The following FNIP2 variants were observed in gnomAD, a reference collection of about 807,000 sequenced individuals.
FNIP2 encodes the protein folliculin-interacting protein 2.
A neutral mutation model predicts 108.7 loss-of-function variants in FNIP2; 32 were observed. That is an observed-to-expected ratio of 0.29 (90% confidence interval 0.22 to 0.40). The LOEUF (loss-of-function observed/expected upper bound fraction) is 0.40, where lower values mean the gene tolerates loss of function less well. Ranked by LOEUF, FNIP2 falls within the 10% of genes least tolerant of loss-of-function variation. FNIP2 has a pLI of 1.00. For synonymous variants in FNIP2, 480 were observed against 496.7 expected (o/e 0.97, Z 0.45); for missense variants, 1,202 against 1,381.6 (o/e 0.87, Z 2.06).
chr4:158,810,048 C>T (rs1437128923), intron 1 of FNIP2, among the ~76,000 whole-genome samples: 6 of 152,100 alleles, frequency 3.9e-5, no homozygotes, highest in Non-Finnish European at 7.4e-5. Context: ...GTTGGGATTA[C>T]TGACTAGGAA....
intron 1 of FNIP2, among the ~76,000 whole-genome samples, chr4:158,816,420 A>G (rs922280979): frequency 1.3e-5 from 2 of 152,196 alleles, no homozygotes; most frequent in African/African-American, 4.8e-5. Flanking sequence ...TTGCAGACCA[A>G]TATGTATTTC....
chr4:158,811,529 T>G (rs1460642465), intron 1 of FNIP2, among the ~76,000 whole-genome samples: 2 of 149,666 alleles, frequency 1.3e-5, no homozygotes, highest in African/African-American at 2.4e-5. Flanking sequence ...TTCATCTCTC[T>G]GTTTTTGTTT....
At chr4:158,780,123 G>A (rs1775989447) in intron 1 of FNIP2, among the ~76,000 whole-genome samples, 1 of 151,748 alleles carries the variant, frequency 6.6e-6, no homozygotes, top group South Asian at 2.1e-4. Flanking sequence ...TGGTGGAATC[G>A]CTTGAACCCA....
At chr4:158,831,402 C>G (rs1045873512) in intron 3 of FNIP2, among the ~76,000 whole-genome samples, 5 of 152,302 alleles carry the variant, frequency 3.3e-5, no homozygotes, top group Non-Finnish European at 5.9e-5. Flanking sequence ...ATCTTTTGGG[C>G]CCTCATAAAA....
chr4:158,886,527 AGTGTG>A (rs1193226738), intron 14 of FNIP2, among the ~76,000 whole-genome samples: 4 of 152,220 alleles, frequency 2.6e-5, no homozygotes, highest in African/African-American at 9.6e-5. Context: ...TTGGACACTC[AGTGTG>A]GTGTGGGCAC....
chr4:158,813,390 A>C (rs777514499), intron 1 of FNIP2, among the ~76,000 whole-genome samples: 1 of 152,228 alleles, frequency 6.6e-6, no homozygotes, highest in Admixed American at 6.5e-5. Context: ...ATAGGCATGT[A>C]GTAGTATCTC....
At chr4:158,822,565 A>G (rs1777945118) in intron 1 of FNIP2, among the ~76,000 whole-genome samples, 2 of 152,082 alleles carry the variant, frequency 1.3e-5, no homozygotes, top group Non-Finnish European at 1.5e-5. Context: ...TGGTATGATC[A>G]TGGCTTACTG....
At chr4:158,861,540 G>C in intron 11 of FNIP2, 52 bp downstream of exon 11, 1 of 1,613,600 alleles carries the variant, frequency 6.2e-7, no homozygotes. Context: ...GCCAATGTGT[G>C]TACTGCATAG....
intron 1 of FNIP2, among the ~76,000 whole-genome samples, chr4:158,816,452 T>A (rs181157633): frequency 3.9e-5 from 6 of 152,282 alleles, no homozygotes; most frequent in Admixed American, 3.9e-4. Context: ...AATATAATAA[T>A]GTGTTGACGG....
At chr4:158,776,416 A>G in intron 1 of FNIP2, among the ~76,000 whole-genome samples, 1 of 152,156 alleles carries the variant, frequency 6.6e-6, no homozygotes, top group East Asian at 1.9e-4. Flanking sequence ...TGGCTTTAAC[A>G]CCTTATAAAT....
Position 158,882,532 on chromosome 4 carries a change from C to T in FNIP2, c.2950-8914C>T, listed in dbSNP as rs182663366. On this transcript the variant is annotated intron_variant, in intron 14 of 16. Coordinates refer to ENST00000264433, the MANE Select transcript of FNIP2 (RefSeq NM_020840.3). ...GCTCATTGAGAACGGGCCATGATGA[C>T]GATGGCGGTTTTGTCGAATAGAAAA... Among the ~76,000 whole-genome samples, 1,099 of 152,326 alleles carry T rather than the reference C, an allele frequency of 7.2e-3. 12 individuals are homozygous for T. Among genetic ancestry groups the T allele is most frequent in the Middle Eastern group, 0.02 (6 of 294 alleles).
intron 1 of FNIP2, among the ~76,000 whole-genome samples, chr4:158,813,414 TTC>T (rs1426959368): frequency 6.6e-6 from 1 of 152,224 alleles, no homozygotes; most frequent in Non-Finnish European, 1.5e-5. Flanking sequence ...TTGTTTAAAT[TTC>T]TGTTTCTCTA....
chr4:158,893,645 A>G (rs1012786544), intron 15 of FNIP2: 14 of 1,475,834 alleles, frequency 9.5e-6, no homozygotes, highest in Non-Finnish European at 1.3e-5. Context: ...ATTTTTTGTT[A>G]TACAGTAGTA....
At chr4:158,770,285 T>C (rs975005189) in intron 1 of FNIP2, among the ~76,000 whole-genome samples, 6 of 152,194 alleles carry the variant, frequency 3.9e-5, no homozygotes, top group African/African-American at 7.2e-5. Context: ...CACAGGTATG[T>C]TGAGAAGTTT....
chr4:158,779,059 G>A (rs182664601), intron 1 of FNIP2, among the ~76,000 whole-genome samples: 11 of 152,280 alleles, frequency 7.2e-5, no homozygotes, highest in African/African-American at 2.4e-4. Context: ...GGGAAACTTG[G>A]ACCCTAGCTC....
At chr4:158,830,325 C>T (rs1778406465) in intron 3 of FNIP2, among the ~76,000 whole-genome samples, 1 of 138,352 alleles carries the variant, frequency 7.2e-6, no homozygotes, top group African/African-American at 2.8e-5. Context: ...TGCAGTGGCG[C>T]AATCTCGGCT....
intron 7 of FNIP2, among the ~76,000 whole-genome samples, chr4:158,845,606 C>T (rs1433354092): frequency 6.6e-6 from 1 of 152,216 alleles, no homozygotes; most frequent in Admixed American, 6.5e-5. Flanking sequence ...CAGATGTATA[C>T]TAGCACTCGA....
chr4:158,821,677 G>A (rs1244624078), intron 1 of FNIP2, among the ~76,000 whole-genome samples: 4 of 152,198 alleles, frequency 2.6e-5, no homozygotes, highest in Admixed American at 2.6e-4. Flanking sequence ...TCCTAGGGGA[G>A]AAGTTCCCAA....
intron 1 of FNIP2, among the ~76,000 whole-genome samples, chr4:158,816,958 T>G (rs956643189): frequency 1.8e-4 from 27 of 152,074 alleles, no homozygotes; most frequent in African/African-American, 6.5e-4. Context: ...GGGAACCATT[T>G]TGGGGAAAAA....
Sources: gnomAD v4.1 joint callset for allele counts (sites outside exome capture counted in the v4.1 genomes callset) on GRCh38, gnomAD v4.1.1 for gene constraint, MANE v1.5 for transcripts, NCBI Gene and HGNC (gene_info 2026-07-23, HGNC 2026-07-21) for gene names.